The following NELL1 variants were observed in gnomAD, a reference collection of about 807,000 sequenced individuals.
NELL1 encodes neural EGFL like 1.
NELL1 carries 76 observed loss-of-function variants against 107.4 expected under a neutral mutation model. That is an observed-to-expected ratio of 0.71 (90% confidence interval 0.59 to 0.86). The LOEUF is 0.86. Ranked by LOEUF, NELL1 falls within the 40% of genes least tolerant of loss-of-function variation. The pLI is 0.00. For synonymous variants in NELL1, 353 were observed against 341.2 expected (o/e 1.03, Z -0.38); for missense variants, 1,024 against 1,005.5 (o/e 1.02, Z -0.25).
intron 15 of NELL1, among the ~76,000 whole-genome samples, chr11:21,487,973 A>G (rs936504436): frequency 6.6e-6 from 1 of 152,188 alleles, no homozygotes; most frequent in Non-Finnish European, 1.5e-5. Flanking sequence ...CAATGCAAAA[A>G]TAGAACATAA....
intron 1 of NELL1, among the ~76,000 whole-genome samples, chr11:20,673,930 C>T (rs1853983350): frequency 6.6e-6 from 1 of 151,886 alleles, no homozygotes; most frequent in African/African-American, 2.4e-5. Context: ...TTTTCTGATT[C>T]CCTAGGCAGT....
intron 3 of NELL1, among the ~76,000 whole-genome samples, chr11:20,839,503 C>G (rs900937425): frequency 6.6e-6 from 1 of 152,172 alleles, no homozygotes; most frequent in Non-Finnish European, 1.5e-5. Flanking sequence ...CTTTGTAAGG[C>G]AGTTAATTTT....
At chr11:20,745,020 C>G (rs145393516) in intron 2 of NELL1, among the ~76,000 whole-genome samples, 4 of 152,210 alleles carry the variant, frequency 2.6e-5, no homozygotes, top group Non-Finnish European at 5.9e-5. Flanking sequence ...AGCCTTCTCT[C>G]TACCACATTA....
chr11:20,691,922 T>C (rs1176132364), intron 2 of NELL1, among the ~76,000 whole-genome samples: 2 of 152,120 alleles, frequency 1.3e-5, no homozygotes, highest in African/African-American at 4.8e-5. Flanking sequence ...CCTGGACTCT[T>C]TTTGGTTGGT....
intron 3 of NELL1, among the ~76,000 whole-genome samples, chr11:20,838,980 G>A (rs1049580880): frequency 7.2e-5 from 11 of 152,240 alleles, no homozygotes; most frequent in Admixed American, 2.0e-4. Context: ...CTTAATAAAT[G>A]TTTTTATTTG....
chr11:20,716,637 T>A (rs766217501), intron 2 of NELL1, among the ~76,000 whole-genome samples: 1 of 152,186 alleles, frequency 6.6e-6, no homozygotes, highest in Non-Finnish European at 1.5e-5. Flanking sequence ...AGAGAGGGCT[T>A]ATGTCTAGTG....
At position 20,868,802 on chromosome 11, in the gene NELL1, A is replaced by ACTT. The variant is rs1849143429; in HGVS notation, c.507-16642_507-16641insCTT. ...TCCTCATAAAAGTATTAAATTTTAT[A>ACTT]TAAAAGAGAAGAAATTTCATGATCT... On this transcript the variant is annotated intron_variant, in intron 4 of 19. Transcript: ENST00000357134. 2.0e-5 allele frequency among the ~76,000 whole-genome samples: 3 copies of ACTT among 152,294 alleles called. No homozygotes were observed. In the South Asian group the frequency reaches 6.2e-4, roughly 32 times the overall value.
At chr11:21,499,706 C>T (rs535070796) in intron 15 of NELL1, among the ~76,000 whole-genome samples, 1 of 151,948 alleles carries the variant, frequency 6.6e-6, no homozygotes, top group Non-Finnish European at 1.5e-5. Context: ...GGATTTAATC[C>T]AATTCAGTTT....
intron 5 of NELL1, among the ~76,000 whole-genome samples, chr11:20,886,052 A>G (rs563644657): frequency 6.6e-6 from 1 of 152,310 alleles, no homozygotes; most frequent in African/African-American, 2.4e-5. Context: ...GGAGCTAAAC[A>G]CTGAATACAC....
At chr11:21,204,916 T>A (rs1047241407) in intron 13 of NELL1, among the ~76,000 whole-genome samples, 2 of 152,164 alleles carry the variant, frequency 1.3e-5, no homozygotes, top group African/African-American at 4.8e-5. Context: ...CCAGACCCTG[T>A]TTGCCTGGGT....
chr11:21,531,284 G>A (rs953690062), intron 15 of NELL1, among the ~76,000 whole-genome samples: 1 of 151,924 alleles, frequency 6.6e-6, no homozygotes. Context: ...AATAATCCTT[G>A]CACATATTTT....
chr11:20,924,862 A>G (rs971308876), intron 7 of NELL1, among the ~76,000 whole-genome samples: 17 of 152,308 alleles, frequency 1.1e-4, no homozygotes, highest in African/African-American at 4.1e-4. Flanking sequence ...CTTTCTTTCT[A>G]TTGAGGTTCC....
intron 2 of NELL1, among the ~76,000 whole-genome samples, chr11:20,746,625 C>T (rs1856010866): frequency 6.6e-6 from 1 of 151,586 alleles, no homozygotes; most frequent in Admixed American, 6.6e-5. Flanking sequence ...TGAACATTGC[C>T]CTTTTCTCAT....
intron 2 of NELL1, among the ~76,000 whole-genome samples, chr11:20,730,225 A>T (rs924519777): frequency 3.3e-5 from 5 of 152,152 alleles, no homozygotes; most frequent in African/African-American, 1.2e-4. Flanking sequence ...TATTAATATT[A>T]TACTGTTAAA....
At chr11:21,419,053 C>T (rs1852591979) in intron 15 of NELL1, among the ~76,000 whole-genome samples, 1 of 152,136 alleles carries the variant, frequency 6.6e-6, no homozygotes, top group African/African-American at 2.4e-5. Context: ...CTTAATGACA[C>T]TTGTTCACAT....
chr11:21,562,504 A>C (rs768578878), intron 17 of NELL1, among the ~76,000 whole-genome samples: 6 of 152,038 alleles, frequency 3.9e-5, no homozygotes, highest in Non-Finnish European at 8.8e-5. Flanking sequence ...AGCCTGGTTT[A>C]GGAGCTGAAT....
In NELL1 at chr11:21,053,169, G is replaced by A. The variant is rs1023576050; in HGVS notation, c.1301-60420G>A. 3.3e-5 allele frequency among the ~76,000 whole-genome samples: 5 copies of A among 152,164 alleles called. No homozygotes were observed. The East Asian group carries it at 9.7e-4, about 30-fold the overall frequency. ...AAGTTCTGGGATACGTGTACAGAATGTGCAGGTTTGTTACATAGGTATACG... is the reference window on the plus strand; with the variant it reads ...AAGTTCTGGGATACGTGTACAGAATATGCAGGTTTGTTACATAGGTATACG... On this transcript the variant is annotated intron_variant, in intron 12 of 19. Transcript: ENST00000357134.
chr11:21,390,299 G>T (rs1440011210), intron 15 of NELL1, among the ~76,000 whole-genome samples: 12 of 150,720 alleles, frequency 8.0e-5, no homozygotes, highest in Non-Finnish European at 4.4e-5. Flanking sequence ...TATAAGATTG[G>T]CTATAGCTCC....
At chr11:21,353,603 G>T (rs11026042) in intron 14 of NELL1, among the ~76,000 whole-genome samples, 4 of 151,894 alleles carry the variant, frequency 2.6e-5, no homozygotes, top group African/African-American at 9.7e-5. Context: ...AAGGCAGATC[G>T]CTGGGCTCCA....
Sources: gnomAD v4.1 joint callset for allele counts (sites outside exome capture counted in the v4.1 genomes callset) on GRCh38, gnomAD v4.1.1 for gene constraint, MANE v1.5 for transcripts, NCBI Gene and HGNC (gene_info 2026-07-23, HGNC 2026-07-21) for gene names.